The following MARCHF8 variants were observed in gnomAD, a reference collection of about 807,000 sequenced individuals.
MARCHF8 encodes the protein E3 ubiquitin-protein ligase MARCHF8.
A neutral mutation model predicts 51.6 loss-of-function variants in MARCHF8; 40 were observed. The observed-to-expected ratio is 0.77, with a 90% CI of 0.60 to 1.01. MARCHF8 has a LOEUF of 1.01. Ranked by LOEUF, MARCHF8 falls within the 50% of genes least tolerant of loss-of-function variation. MARCHF8 has a pLI of 0.00. For synonymous variants in MARCHF8, 263 were observed against 280.3 expected (o/e 0.94, Z 0.62); for missense variants, 685 against 708.6 (o/e 0.97, Z 0.38).
chr10:45,564,536 G>A (rs1283542629), intron 1 of MARCHF8, among the ~76,000 whole-genome samples: 2 of 152,136 alleles, frequency 1.3e-5, no homozygotes, highest in African/African-American at 4.8e-5. Flanking sequence ...TGCAGGTGGA[G>A]GGGAAGAAAG....
chr10:45,527,018 A>AT (rs1227269030), intron 2 of MARCHF8, among the ~76,000 whole-genome samples: 1 of 152,238 alleles, frequency 6.6e-6, no homozygotes, highest in Non-Finnish European at 1.5e-5. Flanking sequence ...CTCTTGAATG[A>AT]TTTTTGGGTC....
intron 3 of MARCHF8, among the ~76,000 whole-genome samples, chr10:45,482,053 C>T (rs2042897077): frequency 6.6e-6 from 1 of 152,030 alleles, no homozygotes; most frequent in South Asian, 2.1e-4. Flanking sequence ...ATCAAAAAGG[C>T]AATCCCATTT....
chr10:45,498,834 T>C (rs957198706), intron 2 of MARCHF8, among the ~76,000 whole-genome samples: 1 of 152,248 alleles, frequency 6.6e-6, no homozygotes, highest in African/African-American at 2.4e-5. Flanking sequence ...TACCATATTT[T>C]ATTTATTCAT....
At chr10:45,494,103 A>G (rs1426605243) in intron 2 of MARCHF8, among the ~76,000 whole-genome samples, 2 of 152,236 alleles carry the variant, frequency 1.3e-5, no homozygotes, top group African/African-American at 2.4e-5. Flanking sequence ...GGGTGTGAGA[A>G]AACAAAGTTT....
intron 1 of MARCHF8, among the ~76,000 whole-genome samples, chr10:45,544,627 T>TA (rs1460636803): frequency 6.6e-6 from 1 of 152,202 alleles, no homozygotes; most frequent in African/African-American, 2.4e-5. Flanking sequence ...AAAGTCTATA[T>TA]ATTATACAAT....
chr10:45,487,412 C>T (rs955282661), intron 3 of MARCHF8, among the ~76,000 whole-genome samples: 11 of 152,138 alleles, frequency 7.2e-5, no homozygotes, highest in Non-Finnish European at 1.6e-4. Flanking sequence ...GCTACTAGGG[C>T]AAGGCGACAT....
chr10:45,540,907 A>C (rs566999314), intron 1 of MARCHF8, among the ~76,000 whole-genome samples: 34 of 152,370 alleles, frequency 2.2e-4, no homozygotes, highest in African/African-American at 6.3e-4. Context: ...ATCATTAAAA[A>C]GTCAGGAAAC....
intron 2 of MARCHF8, among the ~76,000 whole-genome samples, chr10:45,495,370 T>C (rs2043154245): frequency 1.3e-5 from 2 of 152,182 alleles, no homozygotes; most frequent in African/African-American, 4.8e-5. Context: ...ATAAATCTCA[T>C]TGTTTAATAG....
At chr10:45,500,367 T>C (rs1329041983) in intron 2 of MARCHF8, among the ~76,000 whole-genome samples, 2 of 152,160 alleles carry the variant, frequency 1.3e-5, no homozygotes, top group Non-Finnish European at 2.9e-5. Context: ...ATAAAAAATT[T>C]TGTCATATGT....
At chr10:45,496,889 A>G (rs1349813585) in intron 2 of MARCHF8, among the ~76,000 whole-genome samples, 3 of 152,110 alleles carry the variant, frequency 2.0e-5, no homozygotes, top group African/African-American at 7.2e-5. Flanking sequence ...AAATAATGCA[A>G]AAGAAAGCAA....
chr10:45,572,648 G>A (rs1313495989), intron 1 of MARCHF8, among the ~76,000 whole-genome samples: 1 of 151,996 alleles, frequency 6.6e-6, no homozygotes, highest in African/African-American at 2.4e-5. Flanking sequence ...CCTAGTCTCT[G>A]TTCCCCAATG....
rs562353909 is a variant in MARCHF8 at position 45,580,189 on chromosome 10, G to T, written c.-79+14046C>A. 9.4e-4 allele frequency among the ~76,000 whole-genome samples: 142 copies of T among 151,740 alleles called. 3 individuals carry two copies. The South Asian group carries it at 0.017, about 18-fold the overall frequency. On this transcript the variant is annotated intron_variant, in intron 1 of 6. Transcript: ENST00000319836. ...GCGAAATCATTACGTAAACAACTTAGGATATAACCACAAAACGCAATATGC... is the reference window on the plus strand; with the variant it reads ...GCGAAATCATTACGTAAACAACTTATGATATAACCACAAAACGCAATATGC...
intron 2 of MARCHF8, among the ~76,000 whole-genome samples, chr10:45,490,080 T>G (rs967442303): frequency 2.0e-5 from 3 of 152,222 alleles, no homozygotes; most frequent in Admixed American, 6.5e-5. Flanking sequence ...TTATTGACAA[T>G]GCTTTAGTTT....
At chr10:45,483,929 G>A (rs2042935406) in intron 3 of MARCHF8, among the ~76,000 whole-genome samples, 1 of 152,198 alleles carries the variant, frequency 6.6e-6, no homozygotes, top group South Asian at 2.1e-4. Flanking sequence ...GGGATAAAGA[G>A]AGATTGGTTA....
intron 3 of MARCHF8, among the ~76,000 whole-genome samples, chr10:45,467,103 TTAGGAAA>T (rs1269024355): frequency 6.6e-6 from 1 of 152,190 alleles, no homozygotes; most frequent in Non-Finnish European, 1.5e-5. Context: ...TCAGTTTTAC[TTAGGAAA>T]TAGGAAACAG....
chr10:45,463,562 G>A lies in MARCHF8; in HGVS notation c.677C>T (p.Ser226Leu), dbSNP rs1842866077. 1.3e-6 allele frequency: 2 copies of A among 1,550,552 alleles called. No individual in the cohort carries two copies. The highest frequency in any genetic ancestry group is 2.7e-5 in the African/African-American group (2 of 73,064). Reference sequence around the variant, plus strand: ...GCCAGCTTCCACCTCTGAGGCAGTTGAGCGACCGGCAGAAAGGCATGAAAC... The same window carrying A: ...GCCAGCTTCCACCTCTGAGGCAGTTAAGCGACCGGCAGAAAGGCATGAAAC... ...SCVSCLSAGR[S>L]TASEVEAGKG... Residue 226 changes from serine (S) to leucine (L), a missense_variant, in exon 5 of 8, where the codon TCA (serine) becomes TTA (leucine). Physicochemically the swap from Ser to Leu is moderately radical, Grantham distance 145. Coordinates refer to ENST00000453424, the MANE Select transcript of MARCHF8 (RefSeq NM_001282866.2).
intron 1 of MARCHF8, among the ~76,000 whole-genome samples, chr10:45,572,680 T>A (rs866969892): frequency 3.3e-5 from 5 of 152,042 alleles, no homozygotes; most frequent in African/African-American, 1.2e-4. Context: ...AAATCTTCCT[T>A]CTTTCCCTCC....
chr10:45,499,839 T>C lies in MARCHF8; in HGVS notation c.103-10422A>G, dbSNP rs184533075. Among the ~76,000 whole-genome samples the C allele has an allele frequency of 1.3e-3, 200 of 152,328 alleles. 1 individual carries two copies. The highest frequency in any genetic ancestry group is 4.3e-3 in the African/African-American group (180 of 41,562). On this transcript the variant is annotated intron_variant, in intron 2 of 7. Transcript: ENST00000453424. ...CCACACTAACTTGTTTACTGTAGCT[T>C]TGTAATAAGTTTTGAAGTCAGGGAG...
At chr10:45,523,015 AAT>A (rs1589148683) in intron 2 of MARCHF8, among the ~76,000 whole-genome samples, 1 of 152,222 alleles carries the variant, frequency 6.6e-6, no homozygotes, top group African/African-American at 2.4e-5. Context: ...TGAATGAAAA[AAT>A]ATGTGTGTGC....
Sources: gnomAD v4.1 joint callset for allele counts (sites outside exome capture counted in the v4.1 genomes callset) on GRCh38, gnomAD v4.1.1 for gene constraint, MANE v1.5 for transcripts, NCBI Gene and HGNC (gene_info 2026-07-23, HGNC 2026-07-21) for gene names.